Variants in AMER1 observed in about 807,000 individuals in gnomAD.
AMER1 encodes APC membrane recruitment protein 1, also known as RP11-403E24.2.
AMER1 carries 16 observed loss-of-function variants against 53.0 expected under a neutral mutation model. The ratio of observed to expected loss-of-function variants is 0.30; its 90% CI spans 0.20 to 0.46. The LOEUF (loss-of-function observed/expected upper bound fraction) is 0.46, where lower values mean the gene tolerates loss of function less well. Ranked by LOEUF, AMER1 falls within the 20% of genes least tolerant of loss-of-function variation. The pLI, the probability that AMER1 is intolerant of heterozygous loss-of-function variation, is 1.00. For synonymous variants in AMER1, 354 were observed against 331.9 expected (o/e 1.07, Z -0.73); for missense variants, 947 against 884.9 (o/e 1.07, Z -0.89).
At position 64,185,917 on chromosome X, in the gene AMER1, G is replaced by GA; in HGVS notation, c.*3961dup. On this transcript the variant is annotated 3_prime_UTR_variant, in exon 2 of 2. Transcript: ENST00000374869. ...CCCCCTTCCTTCCCCATTGGGTGGA[G>GA]AATGTTCCCAAAATGCTCCTTTGGA... is the stretch of plus-strand genomic sequence containing the variant. The GA allele has an allele frequency of 2.6e-6, 1 of 384,979 alleles. No individual in the cohort carries two copies. The allele number at this position is 384,979 out of a possible 1,213,427, so 31.7% of individuals were successfully genotyped here.
In AMER1 at chrX:64,189,792, A is replaced by AGGGGGGGGC; in HGVS notation, c.*86_*87insGCCCCCCCC. 1 of 746,976 alleles carries AGGGGGGGGC rather than the reference A, an allele frequency of 1.3e-6. No homozygotes were observed. Among genetic ancestry groups the AGGGGGGGGC allele is most frequent in the Non-Finnish European group, 1.7e-6 (1 of 590,432 alleles). 61.6% of individuals were successfully genotyped at this position (746,976 alleles called of 1,213,427 possible). The stretch of plus-strand genomic sequence containing the variant: ...CCAAAGGGTTTTCAAGTTAAACAAC[A>AGGGGGGGGC]ACCCCCACCCCCCCACCCTTCTGCC... On this transcript the variant is annotated 3_prime_UTR_variant, in exon 2 of 2. Transcript: ENST00000374869.
chrX:64,196,210 AG>A (rs1018701891), intron 1 of AMER1, among the ~76,000 whole-genome samples: 1 of 111,440 alleles, frequency 9.0e-6, no homozygotes, highest in African/African-American at 3.3e-5. Context: ...CATGGACCAC[AG>A]GGCTGGGGTC....
chrX:64,204,810 T>C (rs1286779875), intron 1 of AMER1, among the ~76,000 whole-genome samples: 1 of 113,399 alleles, frequency 8.8e-6, no homozygotes, highest in Non-Finnish European at 1.9e-5. Flanking sequence ...GCCGCTGCTC[T>C]AACCCAAGGA....
Position 64,189,829 on chromosome X carries a change from C to A in AMER1, c.*50G>T, listed in dbSNP as rs770546383. ...CCCACCCTTCTGCCCAACCCCTGAT[C>A]CCCATTCACATGCTCAGGCCCCGTG... is the stretch of plus-strand genomic sequence containing the variant. On this transcript the variant is annotated 3_prime_UTR_variant, in exon 2 of 2. Coordinates refer to ENST00000374869, the MANE Select transcript of AMER1 (RefSeq NM_152424.4). The A allele has an allele frequency of 1.1e-6, 1 of 895,273 alleles. No individual in the cohort carries two copies. The highest frequency in any genetic ancestry group is 1.5e-6 in the Non-Finnish European group (1 of 681,076). The allele number at this position is 895,273 out of a possible 1,213,427, so 73.8% of individuals were successfully genotyped here. A position where few individuals can be genotyped will look rare whatever the true frequency, so the allele number is the denominator to read the frequency against.
In AMER1 at chrX:64,191,753, C is replaced by T. The variant is rs2147088027; in HGVS notation, c.1534G>A (p.Asp512Asn). ...GGTGGAGAGTTCTCAAGGCTGTCAT[C>T]TGGCTCATAGAACTCATATAGGGCA... ...GDALYEFYEP[D>N]DSLENSPPGD... is the part of the protein sequence containing the mutation. The change falls in exon 2 of 2, where the codon GAT becomes AAT. Residue 512 changes from aspartate (D) to asparagine (N), a missense_variant. By Grantham distance (23) the Asp-to-Asn change is conservative. Coordinates refer to ENST00000374869, the MANE Select transcript of AMER1 (RefSeq NM_152424.4). 1 of 1,211,729 alleles carries T rather than the reference C, an allele frequency of 8.3e-7. No homozygotes were observed. The highest frequency in any genetic ancestry group is 1.1e-6 in the Non-Finnish European group (1 of 895,465).
intron 1 of AMER1, among the ~76,000 whole-genome samples, chrX:64,197,630 C>A (rs1172069404): frequency 8.9e-6 from 1 of 112,519 alleles, no homozygotes; most frequent in Non-Finnish European, 1.9e-5. Context: ...GTTCCTCAGG[C>A]CTGTTCCAAA....
At chrX:64,194,310 G>T (rs1006388932) in intron 1 of AMER1, among the ~76,000 whole-genome samples, 4 of 111,500 alleles carry the variant, frequency 3.6e-5, no homozygotes, top group Non-Finnish European at 7.5e-5. Context: ...TATCTAGGAA[G>T]GGAACTCCTT....
rs1930140630 is a variant in AMER1 at position 64,187,919 on chromosome X, G to A, written c.*1960C>T. On this transcript the variant is annotated 3_prime_UTR_variant, in exon 2 of 2. Coordinates refer to ENST00000374869, the MANE Select transcript of AMER1 (RefSeq NM_152424.4). Reference sequence around the variant, plus strand: ...ATGTATCTGTAGCCAAAGTCAGCCTGAAGAGCTGGTCTGGGTCCCTTGAGT... The same window carrying A: ...ATGTATCTGTAGCCAAAGTCAGCCTAAAGAGCTGGTCTGGGTCCCTTGAGT... 2.6e-6 allele frequency: 2 copies of A among 777,679 alleles called. No individual in the cohort carries two copies. The highest frequency in any genetic ancestry group is 4.5e-5 in the African/African-American group (2 of 44,058). The allele number at this position is 777,679 out of a possible 1,213,427, so 64.1% of individuals were successfully genotyped here. A position where few individuals can be genotyped will look rare whatever the true frequency, so the allele number is the denominator to read the frequency against.
chrX:64,198,952 AATG>A (rs1930432242), intron 1 of AMER1, among the ~76,000 whole-genome samples: 1 of 112,794 alleles, frequency 8.9e-6, no homozygotes, highest in African/African-American at 3.2e-5. Flanking sequence ...CTGGAACTTG[AATG>A]ATCCATTTTT....
At chrX:64,202,141 A>G (rs1343235468) in intron 1 of AMER1, among the ~76,000 whole-genome samples, 1 of 112,376 alleles carries the variant, frequency 8.9e-6, no homozygotes, top group East Asian at 2.8e-4. Flanking sequence ...CCCAGCCCTT[A>G]AGGAATTTTT....
chrX:64,192,742 C>T lies in AMER1; in HGVS notation c.545G>A (p.Ser182Asn), dbSNP rs1415971598. The T allele has an allele frequency of 4.2e-6, 5 of 1,201,555 alleles. No individual in the cohort carries two copies. The highest frequency in any genetic ancestry group is 5.6e-6 in the Non-Finnish European group (5 of 891,001). Residue 182 changes from serine to asparagine, a missense_variant, in exon 2 of 2, where the codon AGC becomes AAC. Ser to Asn is a conservative substitution (Grantham distance 46, BLOSUM62 1). Coordinates refer to ENST00000374869, the MANE Select transcript of AMER1 (RefSeq NM_152424.4). ...ACTTTGCTCAGCCCCAGTGACCTTGCTCTTCCGGTGACGGCGGATACTGCT... is the reference window on the plus strand; with the variant it reads ...ACTTTGCTCAGCCCCAGTGACCTTGTTCTTCCGGTGACGGCGGATACTGCT... ...FFSSIRRHRKSKVTGAEQSEP... is the reference protein window; with the variant it reads ...FFSSIRRHRKNKVTGAEQSEP...
At position 64,188,630 on chromosome X, in the gene AMER1, T is replaced by C. The variant is rs967825373; in HGVS notation, c.*1249A>G. The C allele has an allele frequency of 2.0e-5, 16 of 799,361 alleles. No individual in the cohort carries two copies. The highest frequency in any genetic ancestry group is 3.0e-6 in the Non-Finnish European group (2 of 668,011). 65.9% of individuals were successfully genotyped at this position (799,361 alleles called of 1,213,427 possible). A position where few individuals can be genotyped will look rare whatever the true frequency, so the allele number is the denominator to read the frequency against. On this transcript the variant is annotated 3_prime_UTR_variant, in exon 2 of 2. Transcript: ENST00000374869. ...GCAAACCTGGGGCCTTATTACAGAG[T>C]CCAAATGATGGGATGGGCAAGGCTT...
chrX:64,186,198 G>A lies in AMER1; in HGVS notation c.*3681C>T. 8.3e-7 allele frequency: 1 copy of A among 1,208,230 alleles called. No individual in the cohort carries two copies. On this transcript the variant is annotated 3_prime_UTR_variant, in exon 2 of 2. Coordinates refer to ENST00000374869, the MANE Select transcript of AMER1 (RefSeq NM_152424.4). ...TTCTGCTGTCCCTATCATGGGGGGAGGGAACGGACAGTGTGGTACAGCTAA... is the reference window on the plus strand; with the variant it reads ...TTCTGCTGTCCCTATCATGGGGGGAAGGAACGGACAGTGTGGTACAGCTAA...
At chrX:64,197,512 G>C (rs1403527750) in intron 1 of AMER1, among the ~76,000 whole-genome samples, 1 of 113,087 alleles carries the variant, frequency 8.8e-6, no homozygotes, top group Non-Finnish European at 1.9e-5. Context: ...CTCCAAATCA[G>C]CTTCCCGGGG....
rs1205241247 is a variant in AMER1 at position 64,189,514 on chromosome X, G to GTGTGTATATATATA, written c.*364_*365insTATATATATACACA. On this transcript the variant is annotated 3_prime_UTR_variant, in exon 2 of 2. Transcript: ENST00000374869. Reference sequence around the variant, plus strand: ...TGTGTGTGTGTGTGTGTGTGTGTGTGTATATATATATATATATATATATAT... The same window carrying GTGTGTATATATATA: ...TGTGTGTGTGTGTGTGTGTGTGTGTGTGTGTATATATATATATATATATATATATATATATATAT... 3.6e-5 allele frequency: 1 copy of GTGTGTATATATATA among 28,073 alleles called. No homozygotes were observed. Among genetic ancestry groups the GTGTGTATATATATA allele is most frequent in the African/African-American group, 1.7e-4 (1 of 5,950 alleles). The allele number at this position is 28,073 out of a possible 1,213,427, so 2.3% of individuals were successfully genotyped here.
Position 64,189,514 on chromosome X carries a change from G to GTGTGTGTGTGTATATA in AMER1, c.*364_*365insTATATACACACACACA, listed in dbSNP as rs1205241247. The GTGTGTGTGTGTATATA allele has an allele frequency of 4.3e-4, 12 of 28,040 alleles. No individual in the cohort carries two copies. The highest frequency in any genetic ancestry group is 2.0e-3 in the African/African-American group (12 of 5,929). The allele number at this position is 28,040 out of a possible 1,213,427, so 2.3% of individuals were successfully genotyped here. ...TGTGTGTGTGTGTGTGTGTGTGTGT[G>GTGTGTGTGTGTATATA]TATATATATATATATATATATATAT... On this transcript the variant is annotated 3_prime_UTR_variant, in exon 2 of 2. Transcript: ENST00000374869.
At chrX:64,199,219 T>C (rs1222892483) in intron 1 of AMER1, among the ~76,000 whole-genome samples, 2 of 112,464 alleles carry the variant, frequency 1.8e-5, no homozygotes, top group African/African-American at 6.5e-5. Flanking sequence ...CTCAACTGAT[T>C]TGTTTACATA....
chrX:64,187,615 G>A lies in AMER1; in HGVS notation c.*2264C>T. 1 of 776,172 alleles carries A rather than the reference G, an allele frequency of 1.3e-6. No homozygotes were observed. The highest frequency in any genetic ancestry group is 9.0e-5 in the East Asian group (1 of 11,064). The allele number at this position is 776,172 out of a possible 1,213,427, so 64.0% of individuals were successfully genotyped here. ...GAGGCTGGTGATGGCTCTACCGCCTGCTGTGGCTGGCACAGTCCACATGTA... is the reference window on the plus strand; with the variant it reads ...GAGGCTGGTGATGGCTCTACCGCCTACTGTGGCTGGCACAGTCCACATGTA... On this transcript the variant is annotated 3_prime_UTR_variant, in exon 2 of 2. Coordinates refer to ENST00000374869, the MANE Select transcript of AMER1 (RefSeq NM_152424.4).
intron 1 of AMER1, among the ~76,000 whole-genome samples, chrX:64,203,128 G>A (rs775498863): frequency 5.8e-4 from 65 of 112,296 alleles, no homozygotes; most frequent in African/African-American, 1.7e-3. Flanking sequence ...TCTCCAAGTA[G>A]TTTGTCTCTT....
Sources: allele counts gnomAD v4.1 joint callset (sites outside exome capture counted in the v4.1 genomes callset), GRCh38; gene constraint gnomAD v4.1.1; transcripts MANE v1.5; gene names NCBI Gene and HGNC (gene_info 2026-07-23, HGNC 2026-07-21).